Variants in RALYL observed in about 807,000 individuals in gnomAD.
RALYL encodes RALY RNA binding protein like.
A neutral mutation model predicts 35.1 loss-of-function variants in RALYL; 29 were observed. The ratio of observed to expected loss-of-function variants is 0.83; its 90% CI spans 0.61 to 1.13. The LOEUF (loss-of-function observed/expected upper bound fraction) is 1.13. Among genes scored for constraint, RALYL ranks in the 50% most tolerant of loss-of-function variants. The probability of loss-of-function intolerance (pLI) is 0.00; values close to 1 mark genes in which losing one functional copy is unlikely to be tolerated. For missense variants in RALYL, 359 were observed against 360.4 expected, an observed-to-expected ratio of 1.00 and a Z score of 0.03; for synonymous variants, 120 against 127.6, an observed-to-expected ratio of 0.94 and a Z score of 0.40.
intron 6 of RALYL, among the ~76,000 whole-genome samples, chr8:84,863,005 A>T (rs1240304753): frequency 6.6e-6 from 1 of 152,230 alleles, no homozygotes; most frequent in Non-Finnish European, 1.5e-5. Flanking sequence ...ATTAGTAAAA[A>T]GCAGCGATAC....
chr8:84,621,823 A>AT (rs1419919780), intron 2 of RALYL, among the ~76,000 whole-genome samples: 1 of 152,214 alleles, frequency 6.6e-6, no homozygotes, highest in African/African-American at 2.4e-5. Flanking sequence ...ATTCTTATGA[A>AT]TATGTATAAT....
chr8:84,323,401 C>A (rs1322981258), intron 1 of RALYL, among the ~76,000 whole-genome samples: 1 of 152,018 alleles, frequency 6.6e-6, no homozygotes, highest in African/African-American at 2.4e-5. Context: ...TTTCCAATTT[C>A]TTGTGCCTTT....
At chr8:84,711,221 A>G (rs1209653611) in intron 2 of RALYL, among the ~76,000 whole-genome samples, 2 of 152,174 alleles carry the variant, frequency 1.3e-5, no homozygotes, top group Non-Finnish European at 2.9e-5. Flanking sequence ...CATTGGATAG[A>G]TAGAGTAGGA....
At chr8:84,371,539 T>TCTCACACACACACA (rs1475375050) in intron 1 of RALYL, among the ~76,000 whole-genome samples, 1 of 144,072 alleles carries the variant, frequency 6.9e-6, no homozygotes, top group African/African-American at 2.6e-5. Flanking sequence ...TTTATGATTA[T>TCTCACACACACACA]CACACACACA....
chr8:84,716,418 T>C (rs2056192987), intron 2 of RALYL, among the ~76,000 whole-genome samples: 1 of 152,118 alleles, frequency 6.6e-6, no homozygotes, highest in Non-Finnish European at 1.5e-5. Context: ...TCAGAAAAGG[T>C]TTACTTTTAA....
rs750065436 is a variant in RALYL at position 84,577,813 on chromosome 8, AT to A, written c.256+48241del. ...TTTGTGAAAAGTTTTGATTCATCAT[AT>A]TTTTGTGTGAAAATGAAAAAGATAT... is the stretch of plus-strand genomic sequence containing the variant. On this transcript the variant is annotated intron_variant, in intron 2 of 8. Coordinates refer to ENST00000521268, the MANE Select transcript of RALYL (RefSeq NM_173848.7). 4.6e-5 allele frequency among the ~76,000 whole-genome samples: 7 copies of A among 152,354 alleles called. No homozygotes were observed. The South Asian group carries it at 1.4e-3, about 32-fold the overall frequency.
chr8:84,635,687 G>T (rs1475377385), intron 2 of RALYL, among the ~76,000 whole-genome samples: 1 of 151,590 alleles, frequency 6.6e-6, no homozygotes, highest in Non-Finnish European at 1.5e-5. Flanking sequence ...TCTTTCTTTA[G>T]ATCCAGGAGA....
chr8:84,386,176 T>C (rs1267690598), intron 1 of RALYL, among the ~76,000 whole-genome samples: 1 of 151,814 alleles, frequency 6.6e-6, no homozygotes, highest in Non-Finnish European at 1.5e-5. Flanking sequence ...AGTCCAAACC[T>C]GTAATTACTA....
Position 84,774,624 on chromosome 8 carries a change from G to C in RALYL, c.302G>C (p.Gly101Ala). The C allele has an allele frequency of 1.2e-6, 2 of 1,609,404 alleles. No homozygotes were observed. The highest frequency in any genetic ancestry group is 1.7e-6 in the Non-Finnish European group (2 of 1,177,504). Residue 101 changes from glycine (G) to alanine (A), a missense_variant, in exon 3 of 9, where the codon GGA becomes GCA. Transcript: ENST00000521268. ...CCCAAACCATACAGACCAAAACCTG[G>C]AAACAAGAGGCCCCTTTCTGCACTT... The part of the protein sequence containing the change: ...GEPKPYRPKP[G>A]NKRPLSALYR...
At chr8:84,324,184 G>C (rs1235911955) in intron 1 of RALYL, among the ~76,000 whole-genome samples, 2 of 152,160 alleles carry the variant, frequency 1.3e-5, no homozygotes, top group South Asian at 2.1e-4. Context: ...CGTGTGGTTT[G>C]AGCTATTCAA....
At chr8:84,509,762 A>G (rs2057457949) in intron 1 of RALYL, among the ~76,000 whole-genome samples, 2 of 152,170 alleles carry the variant, frequency 1.3e-5, no homozygotes, top group South Asian at 4.1e-4. Flanking sequence ...AGAACCATTT[A>G]TTAAAAAGAC....
intron 2 of RALYL, among the ~76,000 whole-genome samples, chr8:84,578,185 G>T (rs1809941530): frequency 6.6e-6 from 1 of 152,242 alleles, no homozygotes; most frequent in South Asian, 2.1e-4. Flanking sequence ...GCTGCAGTGG[G>T]ATGGGCAGCT....
intron 1 of RALYL, among the ~76,000 whole-genome samples, chr8:84,340,099 T>G (rs1293003331): frequency 6.6e-6 from 1 of 152,106 alleles, no homozygotes; most frequent in Non-Finnish European, 1.5e-5. Context: ...GGACAGGGCT[T>G]TGCTCCTCCT....
At chr8:84,364,205 C>T (rs569075001) in intron 1 of RALYL, among the ~76,000 whole-genome samples, 2 of 152,130 alleles carry the variant, frequency 1.3e-5, no homozygotes, top group Non-Finnish European at 2.9e-5. Context: ...CATCAACCAT[C>T]GCTTCTGACA....
rs1450984151 is a variant in RALYL, at chr8:84,270,306, C to T, written c.-24+85882C>T. Among the ~76,000 whole-genome samples, 5 of 152,110 alleles carry T rather than the reference C, an allele frequency of 3.3e-5. No individual in the cohort carries two copies. The South Asian group carries it at 6.2e-4, about 19-fold the overall frequency. The stretch of plus-strand genomic sequence containing the variant: ...GTCAAGGGACGTGGTGATGGTGGAA[C>T]GCATTATAAGATACAAGCTTCAAAG... On this transcript the variant is annotated intron_variant, in intron 1 of 8. Transcript: ENST00000521268.
chr8:84,252,245 T>A (rs1297710248), intron 1 of RALYL, among the ~76,000 whole-genome samples: 2 of 152,170 alleles, frequency 1.3e-5, no homozygotes, highest in African/African-American at 4.8e-5. Context: ...ATAAACTAGG[T>A]CTTCCCTATT....
intron 1 of RALYL, among the ~76,000 whole-genome samples, chr8:84,271,841 G>T (rs2131953093): frequency 6.6e-6 from 1 of 152,196 alleles, no homozygotes; most frequent in Admixed American, 6.5e-5. Flanking sequence ...GTGGGGAAAG[G>T]CTGCAAATGG....
Position 84,454,626 on chromosome 8 carries a change from T to C in RALYL, c.-23-74673T>C, listed in dbSNP as rs575127509. Among the ~76,000 whole-genome samples the C allele has an allele frequency of 4.6e-5, 7 of 152,260 alleles. No homozygotes were observed. The South Asian group carries it at 1.4e-3, about 31-fold the overall frequency. On this transcript the variant is annotated intron_variant, in intron 1 of 8. Coordinates refer to ENST00000521268, the MANE Select transcript of RALYL (RefSeq NM_173848.7). ...GGCTGAGGCTTTGTGGCCACCTCTT[T>C]GGTGCTCTCCTTCACTTGGCATTCG...
At chr8:84,289,900 C>G (rs1407625915) in intron 1 of RALYL, among the ~76,000 whole-genome samples, 1 of 151,884 alleles carries the variant, frequency 6.6e-6, no homozygotes, top group Non-Finnish European at 1.5e-5. Flanking sequence ...TTGTTTTTTC[C>G]CTGGAAATTT....
Sources: allele counts gnomAD v4.1 joint callset (sites outside exome capture counted in the v4.1 genomes callset), GRCh38; gene constraint gnomAD v4.1.1; transcripts MANE v1.5; gene names NCBI Gene and HGNC (gene_info 2026-07-23, HGNC 2026-07-21).